Variants in EML3 observed in about 807,000 individuals in gnomAD.
The protein encoded by EML3 is EMAP like 3.
EML3 carries 53 observed loss-of-function variants against 106.7 expected under a neutral mutation model. The observed-to-expected ratio is 0.50, with a 90% CI of 0.40 to 0.62. The LOEUF (loss-of-function observed/expected upper bound fraction) is 0.62, where lower values mean the gene tolerates loss of function less well. Ranked by LOEUF, EML3 falls within the 20% of genes least tolerant of loss-of-function variation. The pLI is 0.00. For missense variants in EML3, 994 were observed against 1,209.1 expected (o/e 0.82, Z 2.64); for synonymous variants, 499 against 489.6 (o/e 1.02, Z -0.25).
chr11:62,606,573 C>T (rs1329922618), intron 12 of EML3, among the ~76,000 whole-genome samples: 1 of 152,200 alleles, frequency 6.6e-6, no homozygotes, highest in Admixed American at 6.5e-5. Flanking sequence ...GGTGGGAAAC[C>T]TGGCTGGGCG....
intron 1 of EML3, chr11:62,611,996 C>G (rs1170659670): frequency 2.8e-6 from 1 of 360,452 alleles, no homozygotes; most frequent in African/African-American, 2.1e-5. Context: ...AGTAACTGAG[C>G]CGGGGGAACA....
chr11:62,604,917 G>C (rs1449902456), intron 16 of EML3, 196 bp downstream of exon 16: 1 of 445,078 alleles, frequency 2.2e-6, no homozygotes, highest in Non-Finnish European at 4.0e-6. Context: ...ACACTGGGTT[G>C]GGGGAGGGGG....
chr11:62,603,948 C>G lies in EML3; in HGVS notation c.2165G>C (p.Cys722Ser), dbSNP rs1245717778. 2 of 1,613,970 alleles carry G rather than the reference C, an allele frequency of 1.2e-6. No individual in the cohort carries two copies. Among genetic ancestry groups the G allele is most frequent in the Non-Finnish European group, 1.7e-6 (2 of 1,180,038 alleles). ...CACACACCCCAACTTCCTCACCATACAGCGGCCAAAGCGGCTGGATTTGGC... is the reference window on the plus strand; with the variant it reads ...CACACACCCCAACTTCCTCACCATAGAGCGGCCAAAGCGGCTGGATTTGGC... ...DGAKSSRFGR[C>S]MGHSSFITHL... is the part of the protein sequence containing the mutation. Residue 722 changes from cysteine (C) to serine (S), a missense_variant, in exon 18 of 22, where the codon TGT becomes TCT. Cys to Ser is a moderately radical substitution (Grantham distance 112, BLOSUM62 -1). Coordinates refer to ENST00000394773, the MANE Select transcript of EML3 (RefSeq NM_153265.3).
Position 62,608,550 on chromosome 11 carries a change from A to C in EML3, c.1102T>G (p.Ser368Ala). The change falls in exon 9 of 22, where the codon TCA (serine) becomes GCA (alanine). Residue 368 changes from serine (S) to alanine (A), a missense_variant. Transcript: ENST00000394773. ...CTTCAGGGCCAGCTCACCGCAGCTG[A>C]AAAGGCCAGGGCCCCAACACCCCGC... ...FERGVGALAF[S>A]AADQGAFLCV... 6.2e-7 allele frequency: 1 copy of C among 1,613,626 alleles called. No homozygotes were observed. The highest frequency in any genetic ancestry group is 8.5e-7 in the Non-Finnish European group (1 of 1,179,856).
intron 4 of EML3, among the ~76,000 whole-genome samples, chr11:62,610,021 G>A (rs1485619332): frequency 1.3e-5 from 2 of 152,136 alleles, no homozygotes; most frequent in Admixed American, 1.3e-4. Context: ...GCAGTGGTGC[G>A]ACCTCAGCTC....
At chr11:62,604,978 G>T in intron 16 of EML3, 135 bp downstream of exon 16, 2 of 745,500 alleles carry the variant, frequency 2.7e-6, no homozygotes, top group Non-Finnish European at 4.1e-6. Context: ...AGGGGCTGCA[G>T]GGAGAGGCAC....
At chr11:62,604,860 TTCTC>T (rs1239566827) in intron 16 of EML3, 1 of 329,680 alleles carries the variant, frequency 3.0e-6, no homozygotes, top group African/African-American at 2.2e-5. Flanking sequence ...TTCCCACTGT[TTCTC>T]TATCCTGGGC....
Position 62,608,966 on chromosome 11 carries a change from G to A in EML3, c.925C>T (p.Arg309Ter). ...CACCAGCCCCGGACTCCTCACCATC[G>A]AACGCAGTCTGTGTGCCCCCGGTAA... is the stretch of plus-strand genomic sequence containing the variant. ...RHYRGHTDCV[R>*]CLAVHPDGVR... The change falls in exon 7 of 22, where the codon CGA (arginine) becomes TGA (stop). Residue 309 changes from arginine (R) to a stop codon, truncating the protein, a stop_gained. Transcript: ENST00000394773. LOFTEE classifies it high-confidence loss of function. 2 of 1,613,594 alleles carry A rather than the reference G, an allele frequency of 1.2e-6. No individual in the cohort carries two copies. The highest frequency in any genetic ancestry group is 1.1e-5 in the South Asian group (1 of 91,058).
chr11:62,606,823 A>G (rs1257720364), intron 12 of EML3, 135 bp downstream of exon 12: 34 of 1,038,738 alleles, frequency 3.3e-5, no homozygotes, highest in Non-Finnish European at 4.2e-5. Flanking sequence ...CGCCACTGCA[A>G]TCCAGCCTGG....
In EML3 at chr11:62,605,675, C is replaced by G. The variant is rs1245831023; in HGVS notation, c.1881G>C (p.Glu627Asp). The G allele has an allele frequency of 6.3e-7, 1 of 1,587,292 alleles. No individual in the cohort carries two copies. Among genetic ancestry groups the G allele is most frequent in the African/African-American group, 1.3e-5 (1 of 74,426 alleles). ...CGATGCTCCAGGCCAGTGCATGGCT[C>G]TCCCCATCCCACAGGCAGAGCTGCC... is the stretch of plus-strand genomic sequence containing the variant. ...HDRQLCLWDG[E>D]SHALAWSIDL... The change falls in exon 15 of 22, where the codon GAG becomes GAC. Residue 627 changes from glutamate to aspartate, a missense_variant. Glu to Asp is a conservative substitution (Grantham distance 45, BLOSUM62 2). Transcript: ENST00000394773. The surrounding 1 kb of genome is among the most constrained non-coding windows in gnomAD (Gnocchi z 5.2).
rs745885105 is a variant in EML3, at chr11:62,605,089, C to T, written c.1982+24G>A. 6.2e-7 allele frequency: 1 copy of T among 1,605,452 alleles called. No individual in the cohort carries two copies. The highest frequency in any genetic ancestry group is 8.5e-7 in the Non-Finnish European group (1 of 1,175,704). On this transcript the variant is annotated intron_variant, in intron 16 of 21. Transcript: ENST00000394773. This position sits in a 1 kb window ranked among gnomAD's most constrained non-coding sequence, Gnocchi z 5.2. ...TTCCCAGTCCTCCCTGCTTTCCCTCCTGGGAGTCCTGGCTCTCTCTCACCT... is the reference window on the plus strand; with the variant it reads ...TTCCCAGTCCTCCCTGCTTTCCCTCTTGGGAGTCCTGGCTCTCTCTCACCT...
intron 21 of EML3, 30 bp from the exon 22 acceptor site, chr11:62,602,708 G>A: frequency 6.3e-7 from 1 of 1,599,078 alleles, no homozygotes; most frequent in East Asian, 2.3e-5. Flanking sequence ...TGCGGTGGCG[G>A]CTGAGCCCTC....
At chr11:62,611,808 C>T (rs1351795758) in intron 1 of EML3, 1 of 593,754 alleles carries the variant, frequency 1.7e-6, no homozygotes, top group Non-Finnish European at 2.9e-6. Context: ...GCAAAGCTCC[C>T]TTCCTGCTGC....
Position 62,606,113 on chromosome 11 carries a change from G to C in EML3, c.1606C>G (p.Arg536Gly). Residue 536 changes from arginine (R) to glycine (G), a missense_variant, in exon 13 of 22, where the codon CGC becomes GGC. This residue lies in a region of EML3 where 713 missense variants were observed against 920.5 expected (regional missense o/e 0.77). Transcript: ENST00000394773. ...CCGGGCCCCCACTGTACCAGCCGGC[G>C]GTCCCGCCCGCCACCACTCAGCACT... The part of the protein sequence containing the change: ...GTVLSGGGRD[R>G]RLVQWGPGLV... 3.1e-6 allele frequency: 5 copies of C among 1,614,012 alleles called. No individual in the cohort carries two copies. In the South Asian group the frequency reaches 5.5e-5, roughly 18 times the overall value.
At chr11:62,603,002 C>A in intron 20 of EML3, 113 bp from the exon 21 acceptor site, 2 of 1,480,696 alleles carry the variant, frequency 1.4e-6, no homozygotes, top group Non-Finnish European at 1.8e-6. Flanking sequence ...GCGTTCCAGG[C>A]AAGCCTTCCC....
chr11:62,603,012 C>G, intron 20 of EML3, 123 bp from the exon 21 acceptor site: 4 of 1,221,236 alleles, frequency 3.3e-6, no homozygotes, highest in Non-Finnish European at 4.5e-6. Context: ...CAAGCCTTCC[C>G]GGTCCCGAGG....
At chr11:62,607,566 G>C in intron 11 of EML3, 100 bp downstream of exon 11, 1 of 1,360,978 alleles carries the variant, frequency 7.3e-7, no homozygotes, top group Non-Finnish European at 9.9e-7. Flanking sequence ...GGTCACAGGG[G>C]CAGGTGGGGG....
At chr11:62,604,258 A>AC in intron 16 of EML3, 57 bp from the exon 17 acceptor site, 1 of 1,561,102 alleles carries the variant, frequency 6.4e-7, no homozygotes, top group Non-Finnish European at 8.8e-7. Context: ...ATGTAAGGAG[A>AC]CCCCCAGGGA....
intron 4 of EML3, among the ~76,000 whole-genome samples, chr11:62,610,394 GAAGT>G (rs1280491085): frequency 6.6e-6 from 1 of 152,190 alleles, no homozygotes; most frequent in Non-Finnish European, 1.5e-5. Flanking sequence ...TTGCCCTCTA[GAAGT>G]AAGTATTAAT....
Sources: allele counts gnomAD v4.1 joint callset (sites outside exome capture counted in the v4.1 genomes callset), GRCh38; gene constraint gnomAD v4.1.1; regional missense constraint gnomAD v4.1.1; non-coding constraint Gnocchi (gnomAD v3.1); transcripts MANE v1.5; gene names NCBI Gene and HGNC (gene_info 2026-07-23, HGNC 2026-07-21).